F9: variants seen among roughly 807,000 people sequenced by gnomAD.
The protein encoded by F9 is Christmas factor.
F9 carries 2 observed loss-of-function variants against 34.1 expected under a neutral mutation model. The ratio of observed to expected loss-of-function variants is 0.06; its 90% CI spans 0.02 to 0.18. F9 has a LOEUF of 0.18. Ranked by LOEUF, F9 falls within the 10% of genes least tolerant of loss-of-function variation. F9 has a pLI of 1.00. For synonymous variants in F9, 137 were observed against 118.8 expected (o/e 1.15, Z -1.00); for missense variants, 216 against 345.1 (o/e 0.63, Z 2.96).
intron 5 of F9, among the ~76,000 whole-genome samples, chrX:139,550,173 C>T (rs1275436652): frequency 8.9e-6 from 1 of 112,222 alleles, no homozygotes; most frequent in Admixed American, 9.5e-5. Flanking sequence ...TTAAAATAAG[C>T]TTTTCTGCCT....
intron 5 of F9, among the ~76,000 whole-genome samples, chrX:139,549,479 G>C (rs757527365): frequency 8.9e-6 from 1 of 111,746 alleles, no homozygotes; most frequent in African/African-American, 3.3e-5. Flanking sequence ...ACAGCCTTCA[G>C]AGCTGAGAGC....
intron 1 of F9, among the ~76,000 whole-genome samples, chrX:139,533,605 C>T (rs189487368): frequency 5.9e-4 from 66 of 112,108 alleles, no homozygotes; most frequent in African/African-American, 1.3e-3. Context: ...GTTACAGCCA[C>T]GTGTGTGGGC....
chrX:139,551,812 C>T (rs191998677), intron 6 of F9, among the ~76,000 whole-genome samples: 1 of 111,447 alleles, frequency 9.0e-6, no homozygotes, highest in African/African-American at 3.3e-5. Context: ...CTACACTAGA[C>T]CTACCAAATC....
chrX:139,561,999 A>G lies in F9; in HGVS notation c.1314A>G (p.Lys438=). The part of the protein sequence containing the change: ...IISWGEECAM[K]GKYGIYTKVS... ...GCTGGGGTGAAGAGTGTGCAATGAA[A>G]GGCAAATATGGAATATATACCAAGG... is the stretch of plus-strand genomic sequence containing the variant. Residue 438 remains lysine, a synonymous_variant, in exon 8 of 8, where the codon AAA becomes AAG. Coordinates refer to ENST00000218099, the MANE Select transcript of F9 (RefSeq NM_000133.4). 8.3e-7 allele frequency: 1 copy of G among 1,211,171 alleles called. No individual in the cohort carries two copies. The highest frequency in any genetic ancestry group is 1.8e-5 in the South Asian group (1 of 56,930).
At position 139,563,339 on chromosome X, in the gene F9, G is replaced by A. The variant is rs894912119; in HGVS notation, c.*1268G>A. On this transcript the variant is annotated 3_prime_UTR_variant, in exon 8 of 8. Transcript: ENST00000218099. ...AACTAAGTTGTCCTTTTCTGGTTTC[G>A]TGTTCACCATGGAACATTTTGATTA... 1 of 111,655 alleles carries A rather than the reference G, an allele frequency of 9.0e-6. No individual in the cohort carries two copies. Among genetic ancestry groups the A allele is most frequent in the East Asian group, 2.9e-4 (1 of 3,499 alleles). 9.2% of individuals were successfully genotyped at this position (111,655 alleles called of 1,213,427 possible).
intron 1 of F9, among the ~76,000 whole-genome samples, chrX:139,535,415 C>T (rs770499989): frequency 9.1e-4 from 101 of 111,013 alleles, no homozygotes; most frequent in Non-Finnish European, 1.3e-3. Flanking sequence ...AAAAGTGAGC[C>T]CAAAAGGAAC....
intron 4 of F9, among the ~76,000 whole-genome samples, chrX:139,545,908 A>C (rs1927705996): frequency 1.1e-5 from 1 of 94,751 alleles, no homozygotes; most frequent in South Asian, 4.3e-4. Flanking sequence ...ACTTCCTAGC[A>C]CTATAATTTC....
In F9 at chrX:139,538,756, G is replaced by A. The variant is rs193176191; in HGVS notation, c.277+1370G>A. Among the ~76,000 whole-genome samples the A allele has an allele frequency of 2.8e-3, 306 of 110,325 alleles. 3 individuals are homozygous for A. The highest frequency in any genetic ancestry group is 0.024 in the Admixed American group (243 of 10,228). ...TTATTTCTAAAAGTAAATCCATGCCGATTTTCCCCACCAAAAAATTCCTGA... is the reference window on the plus strand; with the variant it reads ...TTATTTCTAAAAGTAAATCCATGCCAATTTTCCCCACCAAAAAATTCCTGA... On this transcript the variant is annotated intron_variant, in intron 3 of 7. Transcript: ENST00000218099.
In F9 at chrX:139,561,893, G is replaced by A; in HGVS notation, c.1208G>A (p.Gly403Asp). Residue 403 changes from glycine to aspartate, a missense_variant, in exon 8 of 8, where the codon GGT becomes GAT. Gly to Asp is a moderately conservative substitution (Grantham distance 94, BLOSUM62 -1). Around this residue, in one of 2 missense-constraint regions of F9, gnomAD observed 177 missense variants for 311.8 expected, o/e 0.57. Transcript: ENST00000218099. ...NMFCAGFHEG[G>D]RDSCQGDSGG... is the part of the protein sequence containing the mutation. Reference sequence around the variant, plus strand: ...TTCTGTGCTGGCTTCCATGAAGGAGGTAGAGATTCATGTCAAGGAGATAGT... The same window carrying A: ...TTCTGTGCTGGCTTCCATGAAGGAGATAGAGATTCATGTCAAGGAGATAGT... 1 of 1,211,866 alleles carries A rather than the reference G, an allele frequency of 8.3e-7. No homozygotes were observed. Among genetic ancestry groups the A allele is most frequent in the South Asian group, 1.8e-5 (1 of 56,986 alleles).
chrX:139,536,670 C>T (rs1326358878), intron 1 of F9, among the ~76,000 whole-genome samples: 1 of 111,862 alleles, frequency 8.9e-6, no homozygotes, highest in Non-Finnish European at 1.9e-5. Flanking sequence ...GATCACTTTG[C>T]AAAGATCCTC....
intron 6 of F9, among the ~76,000 whole-genome samples, chrX:139,558,182 G>A (rs1928013718): frequency 8.8e-6 from 1 of 113,857 alleles, no homozygotes; most frequent in Non-Finnish European, 1.9e-5. Flanking sequence ...AGGGGGCTTG[G>A]CCATGTGGCA....
intron 4 of F9, among the ~76,000 whole-genome samples, chrX:139,547,031 G>A (rs772488147): frequency 5.4e-5 from 6 of 111,193 alleles, no homozygotes; most frequent in Non-Finnish European, 1.1e-4. Flanking sequence ...GAATAAACTT[G>A]TACTACTTAC....
chrX:139,544,861 T>C (rs1417373726), intron 4 of F9: 1 of 111,926 alleles, frequency 8.9e-6, no homozygotes, highest in African/African-American at 3.2e-5. Flanking sequence ...GTGAAAGAAT[T>C]TGTCTGTCAG....
intron 3 of F9, 107 bp from the exon 4 acceptor site, chrX:139,540,969 T>C: frequency 1.8e-6 from 1 of 541,680 alleles, no homozygotes; most frequent in Admixed American, 2.6e-5. Flanking sequence ...TCAGTAGTTT[T>C]GCTCTGACCC....
chrX:139,536,885 T>C, intron 1 of F9, 125 bp from the exon 2 acceptor site: 2 of 677,406 alleles, frequency 3.0e-6, no homozygotes, highest in Admixed American at 3.1e-5. Context: ...TTTGGCTCCA[T>C]GCCCTAAAGA....
At chrX:139,543,176 A>T (rs1292123802) in intron 4 of F9, among the ~76,000 whole-genome samples, 1 of 110,056 alleles carries the variant, frequency 9.1e-6, no homozygotes, top group Non-Finnish European at 1.9e-5. Flanking sequence ...TTTCATCAAT[A>T]AGAGTTTTTT....
At chrX:139,530,885 G>A in intron 1 of F9, 33 bp downstream of exon 1, 1 of 1,076,251 alleles carries the variant, frequency 9.3e-7, no homozygotes, top group Non-Finnish European at 1.3e-6. Context: ...CATTGAGTAT[G>A]CTTGCCTTTT....
intron 5 of F9, 77 bp from the exon 6 acceptor site, chrX:139,550,985 A>G (rs1304135913): frequency 1.7e-5 from 16 of 928,415 alleles, no homozygotes; most frequent in South Asian, 6.3e-5. Context: ...GATGGGCCTC[A>G]ATCTCAATTT....
chrX:139,557,493 C>T (rs1302553281), intron 6 of F9, among the ~76,000 whole-genome samples: 1 of 111,955 alleles, frequency 8.9e-6, no homozygotes, highest in East Asian at 2.8e-4. Context: ...GGAAGCAAGT[C>T]TTTGTCAGGA....
Sources: allele counts gnomAD v4.1 joint callset (sites outside exome capture counted in the v4.1 genomes callset), GRCh38; gene constraint gnomAD v4.1.1; regional missense constraint gnomAD v4.1.1; transcripts MANE v1.5; gene names NCBI Gene and HGNC (gene_info 2026-07-23, HGNC 2026-07-21).